DHRS7C: variants seen among roughly 807,000 people sequenced by gnomAD.
DHRS7C encodes the protein dehydrogenase/reductase 7C.
DHRS7C carries 28 observed loss-of-function variants against 29.6 expected under a neutral mutation model. The ratio of observed to expected loss-of-function variants is 0.95; its 90% confidence interval spans 0.70 to 1.30. The LOEUF is 1.30. Ranked by LOEUF, DHRS7C falls within the 50% of genes most tolerant of loss-of-function variation. The pLI, the probability that DHRS7C is intolerant of heterozygous loss-of-function variation, is 0.00. For missense variants in DHRS7C, 403 were observed against 393.3 expected, an observed-to-expected ratio of 1.02 and a Z score of -0.21; for synonymous variants, 158 against 160.2, an observed-to-expected ratio of 0.99 and a Z score of 0.10.
In DHRS7C at chr17:9,781,600, G is replaced by A; in HGVS notation, c.155-6C>T. 1 of 1,613,406 alleles carries A rather than the reference G, an allele frequency of 6.2e-7. No homozygotes were observed. Among genetic ancestry groups the A allele is most frequent in the South Asian group, 1.1e-5 (1 of 91,062 alleles). ...GTGGAACACCCGAGCACACTCTGTG[G>A]GGAAGAAGGAAACAGGGCAGGGCAC... On this transcript the variant is annotated splice_polypyrimidine_tract_variant and splice_region_variant and intron_variant, in intron 1 of 5. Coordinates refer to ENST00000571134, the MANE Select transcript of DHRS7C (RefSeq NM_001105571.3).
intron 1 of DHRS7C, among the ~76,000 whole-genome samples, chr17:9,787,360 A>G (rs1172620134): frequency 1.3e-5 from 2 of 151,998 alleles, no homozygotes; most frequent in Non-Finnish European, 2.9e-5. Flanking sequence ...ATTCTTCCCC[A>G]TCACTCCATT....
In DHRS7C at chr17:9,772,940, C is replaced by G; in HGVS notation, c.572-18G>C. 1 of 1,612,164 alleles carries G rather than the reference C, an allele frequency of 6.2e-7. No homozygotes were observed. The highest frequency in any genetic ancestry group is 8.5e-7 in the Non-Finnish European group (1 of 1,179,608). ...GGCAGCGTCTGCGAGACAAACCATCCGGAGGTGGGCGCAGGACACTCCCGG... is the reference window on the plus strand; with the variant it reads ...GGCAGCGTCTGCGAGACAAACCATCGGGAGGTGGGCGCAGGACACTCCCGG... On this transcript the variant is annotated intron_variant, in intron 4 of 5. Coordinates refer to ENST00000571134, the MANE Select transcript of DHRS7C (RefSeq NM_001105571.3).
At chr17:9,785,313 G>A (rs1176057627) in intron 1 of DHRS7C, 1 of 152,224 alleles carries the variant, frequency 6.6e-6, no homozygotes, top group Non-Finnish European at 1.5e-5. Context: ...CAGAGTGAAG[G>A]GCACAGGAGG....
intron 3 of DHRS7C, 130 bp from the exon 4 acceptor site, chr17:9,777,415 G>A (rs1374725318): frequency 1.6e-6 from 1 of 620,572 alleles, no homozygotes; most frequent in African/African-American, 1.9e-5. Flanking sequence ...ATTGCAGCAG[G>A]GCAGAGGTGG....
At chr17:9,778,066 T>G (rs2066372244) in intron 3 of DHRS7C, among the ~76,000 whole-genome samples, 1 of 152,274 alleles carries the variant, frequency 6.6e-6, no homozygotes, top group Middle Eastern at 3.4e-3. Context: ...ACTTTCAGAA[T>G]GATCTGGGAA....
chr17:9,781,487 T>G lies in DHRS7C; in HGVS notation c.262A>C (p.Ser88Arg). Reference sequence around the variant, plus strand: ...CTACTGCTAGAAGACCTTACCTTGCTGGGGTCAGCCACGCTGATCAAGGCA... The same window carrying G: ...CTACTGCTAGAAGACCTTACCTTGCGGGGGTCAGCCACGCTGATCAAGGCA... ...YDALISVADPSKTFTPKLVLL... is the reference protein window; with the variant it reads ...YDALISVADPRKTFTPKLVLL... The change falls in exon 2 of 6, where the codon AGC becomes CGC. Residue 88 changes from serine to arginine, a missense_variant. Coordinates refer to ENST00000571134, the MANE Select transcript of DHRS7C (RefSeq NM_001105571.3). 4 of 1,613,924 alleles carry G rather than the reference T, an allele frequency of 2.5e-6. No homozygotes were observed. Among genetic ancestry groups the G allele is most frequent in the Non-Finnish European group, 3.4e-6 (4 of 1,179,806 alleles).
At position 9,775,022 on chromosome 17, in the gene DHRS7C, C is replaced by T. The variant is rs1289613753; in HGVS notation, c.572-2100G>A. Among the ~76,000 whole-genome samples the T allele has an allele frequency of 6.6e-6, 1 of 152,126 alleles. No homozygotes were observed. Among genetic ancestry groups the T allele is most frequent in the Non-Finnish European group, 1.5e-5 (1 of 68,018 alleles). ...CCCAATACTGTGTTTTGCAAATGTT[C>T]CCAGGAAACTCGTGCATTTGTCCTA... On this transcript the variant is annotated intron_variant, in intron 4 of 5. Coordinates refer to ENST00000571134, the MANE Select transcript of DHRS7C (RefSeq NM_001105571.3). This position sits in a 1 kb window ranked among gnomAD's most constrained non-coding sequence, Gnocchi z 4.2.
chr17:9,789,368 C>T (rs1229908516), intron 1 of DHRS7C, among the ~76,000 whole-genome samples: 1 of 152,200 alleles, frequency 6.6e-6, no homozygotes, highest in African/African-American at 2.4e-5. Flanking sequence ...CAAGAACACA[C>T]TTATCCAAAT....
intron 1 of DHRS7C, among the ~76,000 whole-genome samples, chr17:9,787,853 A>G (rs1403324380): frequency 6.6e-6 from 1 of 152,270 alleles, no homozygotes; most frequent in Middle Eastern, 3.4e-3. Context: ...GAATGCAGGC[A>G]TATGCCACCA....
At chr17:9,784,102 T>C (rs1005119578) in intron 1 of DHRS7C, among the ~76,000 whole-genome samples, 2 of 151,850 alleles carry the variant, frequency 1.3e-5, no homozygotes, top group African/African-American at 2.4e-5. Flanking sequence ...TACCCTTGCA[T>C]TGGGGAGGAC....
chr17:9,786,507 C>T (rs796577034), intron 1 of DHRS7C, among the ~76,000 whole-genome samples: 6 of 152,068 alleles, frequency 3.9e-5, no homozygotes, highest in African/African-American at 1.4e-4. Flanking sequence ...CTCACATAAG[C>T]ATCCCCCTGA....
intron 5 of DHRS7C, 90 bp from the exon 6 acceptor site, chr17:9,771,786 G>T: frequency 8.1e-7 from 1 of 1,233,764 alleles, no homozygotes; most frequent in Non-Finnish European, 1.0e-6. Flanking sequence ...CTGAGGGGCG[G>T]GAAGCGTGGG....
chr17:9,778,411 A>T (rs1436403222), intron 3 of DHRS7C, among the ~76,000 whole-genome samples: 2 of 151,750 alleles, frequency 1.3e-5, no homozygotes, highest in Non-Finnish European at 2.9e-5. Flanking sequence ...AAAAAAAAAA[A>T]AGAAAGAAAG....
At chr17:9,772,682 C>T (rs2066337327) in intron 5 of DHRS7C, 85 bp downstream of exon 5, 3 of 1,492,064 alleles carry the variant, frequency 2.0e-6, no homozygotes, top group African/African-American at 1.4e-5. Flanking sequence ...TTCAGGAGTA[C>T]CCATCTGAAG....
chr17:9,784,896 T>A (rs575275435), intron 1 of DHRS7C, among the ~76,000 whole-genome samples: 63 of 152,328 alleles, frequency 4.1e-4, no homozygotes, highest in Middle Eastern at 3.4e-3. Flanking sequence ...TGGAACGAAG[T>A]TCGCAATAGA....
At chr17:9,772,227 A>G (rs1038799791) in intron 5 of DHRS7C, among the ~76,000 whole-genome samples, 32 of 152,284 alleles carry the variant, frequency 2.1e-4, no homozygotes, top group African/African-American at 7.2e-4. Context: ...CAGTCCTTCC[A>G]ACAACCCTAA....
intron 1 of DHRS7C, among the ~76,000 whole-genome samples, chr17:9,788,486 C>T (rs1378831916): frequency 6.6e-6 from 1 of 152,220 alleles, no homozygotes; most frequent in Non-Finnish European, 1.5e-5. Flanking sequence ...GGATTACAGG[C>T]GTGAGCCACC....
At chr17:9,773,719 C>CTTTTTTTTTTTTTTTTTTTTTT (rs757682123) in intron 4 of DHRS7C, among the ~76,000 whole-genome samples, 1 of 86,006 alleles carries the variant, frequency 1.2e-5, no homozygotes, top group Non-Finnish European at 2.1e-5. Context: ...GCAATGAGGC[C>CTTTTTTTTTTTTTTTTTTTTTT]TTTTTTTTTT....
intron 4 of DHRS7C, 133 bp downstream of exon 4, chr17:9,777,060 A>G: frequency 1.4e-6 from 1 of 713,162 alleles, no homozygotes. Context: ...GGGATGAAAG[A>G]AAATCCAGCA....
Sources: allele counts gnomAD v4.1 joint callset (sites outside exome capture counted in the v4.1 genomes callset), GRCh38; gene constraint gnomAD v4.1.1; non-coding constraint Gnocchi (gnomAD v3.1); transcripts MANE v1.5; gene names NCBI Gene and HGNC (gene_info 2026-07-23, HGNC 2026-07-21).